The following ANK3 variants were observed in gnomAD, a reference collection of about 807,000 sequenced individuals.
ANK3 encodes ankyrin 3, also known as ankyrin-3.
Under a neutral mutation model 370.9 loss-of-function variants are expected in ANK3, and 57 were observed. The observed-to-expected ratio is 0.15, with a 90% CI of 0.12 to 0.19. The LOEUF (loss-of-function observed/expected upper bound fraction) is 0.19, where lower values mean the gene tolerates loss of function less well. Among genes scored for constraint, ANK3 ranks in the 10% least tolerant of loss-of-function variants. The pLI, the probability that ANK3 is intolerant of heterozygous loss-of-function variation, is 1.00. For synonymous variants in ANK3, 1,929 were observed against 1,946.3 expected (o/e 0.99, Z 0.23); for missense variants, 4,439 against 5,302.1 (o/e 0.84, Z 5.06).
chr10:60,131,118 A>G (rs2094039847), intron 25 of ANK3, among the ~76,000 whole-genome samples: 1 of 152,244 alleles, frequency 6.6e-6, no homozygotes, highest in Non-Finnish European at 1.5e-5. Context: ...AGTAGGTCCA[A>G]TAAGTAGCAG....
At chr10:60,280,086 C>T (rs976991449) in intron 1 of ANK3, among the ~76,000 whole-genome samples, 3 of 152,146 alleles carry the variant, frequency 2.0e-5, no homozygotes, top group African/African-American at 7.2e-5. Context: ...TTCTTAGAGA[C>T]AGGGTCTCAC....
chr10:60,402,474 C>T (rs947701742), intron 2 of ANK3, among the ~76,000 whole-genome samples: 1 of 152,088 alleles, frequency 6.6e-6, no homozygotes, highest in African/African-American at 2.4e-5. Flanking sequence ...TGTAATATGC[C>T]TTAACATGCA....
At chr10:60,618,105 A>G (rs2078288373) in intron 1 of ANK3, among the ~76,000 whole-genome samples, 1 of 152,092 alleles carries the variant, frequency 6.6e-6, no homozygotes, top group Admixed American at 6.6e-5. Context: ...TTAAAGCAGT[A>G]ATATGAGTTG....
chr10:60,415,806 A>G (rs1269149275), intron 2 of ANK3, among the ~76,000 whole-genome samples: 1 of 151,848 alleles, frequency 6.6e-6, no homozygotes, highest in Non-Finnish European at 1.5e-5. Flanking sequence ...AATGGGCAAT[A>G]GGTGCATTGA....
intron 8 of ANK3, among the ~76,000 whole-genome samples, chr10:60,227,114 G>C (rs1275959692): frequency 1.3e-5 from 2 of 151,554 alleles, no homozygotes; most frequent in African/African-American, 4.8e-5. Flanking sequence ...GTCAGCTTTC[G>C]CTTGTATGAA....
chr10:60,444,444 G>GTGTATA (rs386361850), intron 2 of ANK3, among the ~76,000 whole-genome samples: 2,078 of 148,782 alleles, frequency 0.014, 53 homozygotes, highest in African/African-American at 0.048. Flanking sequence ...GTGTGTGTGT[G>GTGTATA]TATATATATA....
chr10:60,421,963 TA>T (rs897645315), intron 2 of ANK3, among the ~76,000 whole-genome samples: 1 of 152,086 alleles, frequency 6.6e-6, no homozygotes, highest in Non-Finnish European at 1.5e-5. Context: ...TGTGGATTGT[TA>T]AAACTAAGGG....
chr10:60,397,880 A>T (rs1421407591), intron 2 of ANK3, among the ~76,000 whole-genome samples: 1 of 152,086 alleles, frequency 6.6e-6, no homozygotes, highest in African/African-American at 2.4e-5. Context: ...CTCGAGAACA[A>T]TTTTTTCATT....
chr10:60,680,631 G>C (rs1235362374), intron 1 of ANK3, among the ~76,000 whole-genome samples: 11 of 152,042 alleles, frequency 7.2e-5, no homozygotes, highest in Non-Finnish European at 2.9e-5. Context: ...CGTGTCTCTG[G>C]CTTAAATTTT....
Position 60,159,731 on chromosome 10 carries a change from G to A in ANK3, c.2614+6860C>T, listed in dbSNP as rs1288092713. Among the ~76,000 whole-genome samples, 11 of 152,084 alleles carry A rather than the reference G, an allele frequency of 7.2e-5. No homozygotes were observed. In the East Asian group the frequency reaches 1.4e-3, roughly 19 times the overall value. ...CATGTCAAGTCTCTTTTCTGACCAC[G>A]ATGGAATAAAACTAGAAATCAATAG... On this transcript the variant is annotated intron_variant, in intron 23 of 43. Coordinates refer to ENST00000280772, the MANE Select transcript of ANK3 (RefSeq NM_020987.5).
intron 1 of ANK3, among the ~76,000 whole-genome samples, chr10:60,309,562 C>T (rs2045899103): frequency 6.6e-6 from 1 of 152,138 alleles, no homozygotes; most frequent in Admixed American, 6.5e-5. Flanking sequence ...GTGCATTTGA[C>T]ATTGACACAT....
intron 7 of ANK3, among the ~76,000 whole-genome samples, chr10:60,247,942 C>T (rs374643065): frequency 1.9e-4 from 29 of 152,342 alleles, no homozygotes; most frequent in East Asian, 1.5e-3. Context: ...GCTGGGATTA[C>T]AGGCGTGAGC....
At chr10:60,224,675 A>G (rs574164249) in intron 8 of ANK3, among the ~76,000 whole-genome samples, 1 of 152,310 alleles carries the variant, frequency 6.6e-6, no homozygotes, top group Non-Finnish European at 1.5e-5. Flanking sequence ...CAAAATAAAT[A>G]AATAAATACA....
chr10:60,467,635 AT>A (rs1173409751), intron 2 of ANK3, among the ~76,000 whole-genome samples: 2 of 152,188 alleles, frequency 1.3e-5, no homozygotes, highest in Non-Finnish European at 2.9e-5. Flanking sequence ...TTTAAAATAC[AT>A]TCTTTTTTTA....
intron 2 of ANK3, among the ~76,000 whole-genome samples, chr10:60,455,678 C>T (rs1486041448): frequency 6.6e-6 from 1 of 152,158 alleles, no homozygotes; most frequent in African/African-American, 2.4e-5. Flanking sequence ...GTGCCTGTCT[C>T]ATCGTTGTAT....
intron 23 of ANK3, among the ~76,000 whole-genome samples, chr10:60,157,861 G>A (rs1426316892): frequency 7.1e-6 from 1 of 141,146 alleles, no homozygotes; most frequent in Non-Finnish European, 1.5e-5. Context: ...TAAAGAGAAT[G>A]GAGAGACAGA....
At chr10:60,174,786 G>A (rs1321919893) in intron 18 of ANK3, among the ~76,000 whole-genome samples, 1 of 152,058 alleles carries the variant, frequency 6.6e-6, no homozygotes, top group Admixed American at 6.6e-5. Context: ...CACCAGGCTG[G>A]GGTGCAGTGA....
At chr10:60,349,939 A>G (rs1213519848) in intron 1 of ANK3, among the ~76,000 whole-genome samples, 1 of 152,138 alleles carries the variant, frequency 6.6e-6, no homozygotes, top group Non-Finnish European at 1.5e-5. Context: ...GTTAATAAGC[A>G]TTTTCCTGGA....
At chr10:60,465,722 G>A (rs1256433225) in intron 2 of ANK3, among the ~76,000 whole-genome samples, 2 of 151,074 alleles carry the variant, frequency 1.3e-5, no homozygotes, top group East Asian at 3.9e-4. Flanking sequence ...AGTAAAACTT[G>A]ACAGAATGCT....
Sources: gnomAD v4.1 joint callset for allele counts (sites outside exome capture counted in the v4.1 genomes callset) on GRCh38, gnomAD v4.1.1 for gene constraint, MANE v1.5 for transcripts, NCBI Gene and HGNC (gene_info 2026-07-23, HGNC 2026-07-21) for gene names.